The following RTTN variants were observed in gnomAD, a reference collection of about 807,000 sequenced individuals.
RTTN encodes rotatin.
A neutral mutation model predicts 269.2 loss-of-function variants in RTTN; 182 were observed. That is an observed-to-expected ratio of 0.68 (90% CI 0.60 to 0.76). The LOEUF is 0.76. Among genes scored for constraint, RTTN ranks in the 30% least tolerant of loss-of-function variants. RTTN has a pLI of 0.00. For synonymous variants in RTTN, 1,006 were observed against 963.5 expected (o/e 1.04, Z -0.82); for missense variants, 2,545 against 2,608.6 (o/e 0.98, Z 0.53).
intron 40 of RTTN, among the ~76,000 whole-genome samples, chr18:70,032,641 T>G (rs1309183298): frequency 1.3e-5 from 2 of 152,194 alleles, no homozygotes; most frequent in East Asian, 3.8e-4. Context: ...ATCCTAAATA[T>G]ATATGCACTA....
At position 70,132,499 on chromosome 18, in the gene RTTN, A is replaced by G. The variant is rs116851807; in HGVS notation, c.2954+1974T>C. 9.6e-3 allele frequency among the ~76,000 whole-genome samples: 1,457 copies of G among 152,076 alleles called. 15 individuals are homozygous for G. The highest frequency in any genetic ancestry group is 0.015 in the Non-Finnish European group (1,000 of 67,940). On this transcript the variant is annotated intron_variant, in intron 23 of 48. Transcript: ENST00000640769. The stretch of plus-strand genomic sequence containing the variant: ...ATATTAATAATAAAATAACTAGAAA[A>G]CCTAATAAACTAAATCTTCACTAGT...
chr18:70,114,687 G>C lies in RTTN; in HGVS notation c.3529-88C>G, dbSNP rs1199284523. On this transcript the variant is annotated intron_variant, in intron 26 of 48. Transcript: ENST00000640769. ...GGGTTTGGTTGCTAAGCAAGTTCTA[G>C]TAAGAGCTATATTACCTAACTAGTA... 3.4e-6 allele frequency: 4 copies of C among 1,193,598 alleles called. No homozygotes were observed. The Admixed American group carries it at 9.2e-5, about 28-fold the overall frequency. 73.9% of individuals were successfully genotyped at this position (1,193,598 alleles called of 1,614,324 possible).
chr18:70,075,391 A>G lies in RTTN; in HGVS notation c.4525T>C (p.Ser1509Pro), dbSNP rs767682584. 10 of 1,593,914 alleles carry G rather than the reference A, an allele frequency of 6.3e-6. No homozygotes were observed. The African/African-American group carries it at 8.2e-5, about 13-fold the overall frequency. The change falls in exon 33 of 49, where the codon TCT becomes CCT. Residue 1509 changes from serine (S) to proline (P), a missense_variant. Physicochemically the swap from Ser to Pro is moderately conservative, Grantham distance 74. Coordinates refer to ENST00000640769, the MANE Select transcript of RTTN (RefSeq NM_173630.4). Reference sequence around the variant, plus strand: ...CTTTCTGAATTTCTATCAAAAGCAGAAAAATTCAAATCAAACATACACCGT... The same window carrying G: ...CTTTCTGAATTTCTATCAAAAGCAGGAAAATTCAAATCAAACATACACCGT... ...LGRCMFDLNF[S>P]AFDRNSESND...
intron 7 of RTTN, among the ~76,000 whole-genome samples, chr18:70,195,849 TA>T (rs1183385346): frequency 1.3e-5 from 2 of 152,156 alleles, no homozygotes; most frequent in Non-Finnish European, 2.9e-5. Context: ...AAAACCAAGG[TA>T]AAGCATAAAT....
intron 21 of RTTN, among the ~76,000 whole-genome samples, chr18:70,135,549 T>G (rs941565365): frequency 3.9e-5 from 6 of 152,144 alleles, no homozygotes; most frequent in Non-Finnish European, 8.8e-5. Flanking sequence ...ATGCTGCCAG[T>G]CCAGGAGCCA....
At position 70,141,283 on chromosome 18, in the gene RTTN, ATAAATAT is replaced by A. The variant is rs543092097; in HGVS notation, c.2581+998_2581+1004del. 6.6e-5 allele frequency among the ~76,000 whole-genome samples: 10 copies of A among 152,318 alleles called. No homozygotes were observed. The South Asian group carries it at 1.2e-3, about 19-fold the overall frequency. ...CATAAACTCAAAGTTATCATTTCTC[ATAAATAT>A]TAAAGTACATACATCACGTATGGGG... On this transcript the variant is annotated intron_variant, in intron 19 of 48. Transcript: ENST00000640769.
At chr18:70,024,944 C>G (rs1392568165) in intron 43 of RTTN, 96 bp from the exon 44 acceptor site, 24 of 1,368,882 alleles carry the variant, frequency 1.8e-5, no homozygotes, top group Non-Finnish European at 2.4e-5. Context: ...ACATAAGACC[C>G]AAGGAGAACC....
At position 70,148,932 on chromosome 18, in the gene RTTN, T is replaced by C. The variant is rs755936163; in HGVS notation, c.2278A>G (p.Met760Val). ...MLPCTTRLKS[M>V]LRLLLVKKPS... is the part of the protein sequence containing the mutation. ...TTTTTCACTAGCAAAAGTCGCAGCATGGACTTTAATCGGGTAGTACACGGA... is the reference window on the plus strand; with the variant it reads ...TTTTTCACTAGCAAAAGTCGCAGCACGGACTTTAATCGGGTAGTACACGGA... Residue 760 changes from methionine to valine, a missense_variant, in exon 17 of 49, where the codon ATG (methionine) becomes GTG (valine). By Grantham distance (21) the Met-to-Val change is conservative (BLOSUM62 1). Transcript: ENST00000640769. The C allele has an allele frequency of 1.4e-5, 22 of 1,613,496 alleles. No individual in the cohort carries two copies. The highest frequency in any genetic ancestry group is 1.3e-5 in the African/African-American group (1 of 74,894).
chr18:70,086,307 A>G (rs2058696539), intron 32 of RTTN, among the ~76,000 whole-genome samples: 1 of 152,172 alleles, frequency 6.6e-6, no homozygotes, highest in Admixed American at 6.5e-5. Context: ...CTTAGAAAAT[A>G]AGGATAGTAA....
At chr18:70,121,059 T>C (rs1315455648) in intron 26 of RTTN, among the ~76,000 whole-genome samples, 2 of 144,200 alleles carry the variant, frequency 1.4e-5, no homozygotes, top group African/African-American at 5.1e-5. Flanking sequence ...TCAAAAAAAA[T>C]AAAAAAAAAA....
chr18:70,031,009 T>G (rs1237607490), intron 40 of RTTN, 28 bp from the exon 41 acceptor site: 1 of 1,502,120 alleles, frequency 6.7e-7, no homozygotes, highest in East Asian at 2.3e-5. Flanking sequence ...CAAACTGCCT[T>G]GAAGAAATAT....
intron 14 of RTTN, among the ~76,000 whole-genome samples, chr18:70,153,914 A>G (rs1344784587): frequency 1.3e-5 from 2 of 152,208 alleles, no homozygotes; most frequent in East Asian, 3.8e-4. Context: ...GTGACAAAAG[A>G]AAAATCACAA....
At chr18:70,068,531 CCT>C (rs1472872213) in intron 34 of RTTN, among the ~76,000 whole-genome samples, 4 of 152,192 alleles carry the variant, frequency 2.6e-5, no homozygotes, top group Non-Finnish European at 4.4e-5. Flanking sequence ...CCCTGATCCC[CCT>C]GTGTCCCCGC....
rs1350829 is a variant in RTTN, at chr18:70,147,138, T to A, written c.2310-1355A>T. On this transcript the variant is annotated intron_variant, in intron 17 of 48. Transcript: ENST00000640769. ...ATTTAGCATCTTTTTAGGTTTAGCA[T>A]AGGATGCCAGAATCCAGTTATTCCT... Among the ~76,000 whole-genome samples the A allele has an allele frequency of 3.3e-5, 5 of 152,226 alleles. No individual in the cohort carries two copies. In the East Asian group the frequency reaches 9.6e-4, roughly 29 times the overall value.
chr18:70,024,964 G>C, intron 43 of RTTN, 116 bp from the exon 44 acceptor site: 1 of 1,171,532 alleles, frequency 8.5e-7, no homozygotes. Flanking sequence ...CCTGTGGATG[G>C]CTTCAGCATC....
At chr18:70,048,221 A>C in intron 39 of RTTN, 33 bp from the exon 40 acceptor site, 2 of 1,567,366 alleles carry the variant, frequency 1.3e-6, no homozygotes, top group Non-Finnish European at 1.8e-6. Flanking sequence ...GAATGTTTGA[A>C]AATTTCTTCA....
At chr18:70,012,911 A>G (rs2056432434) in intron 46 of RTTN, among the ~76,000 whole-genome samples, 1 of 152,242 alleles carries the variant, frequency 6.6e-6, no homozygotes, top group Non-Finnish European at 1.5e-5. Flanking sequence ...TTTTGTCTAC[A>G]TAATTCAATT....
At chr18:70,007,480 T>C (rs749418758) in intron 46 of RTTN, 3 of 152,282 alleles carry the variant, frequency 2.0e-5, no homozygotes, top group Non-Finnish European at 4.4e-5. Context: ...CCCATACCCA[T>C]GGAGCCCAGC....
intron 34 of RTTN, among the ~76,000 whole-genome samples, chr18:70,068,722 G>A (rs2058214750): frequency 6.6e-6 from 1 of 152,196 alleles, no homozygotes; most frequent in Admixed American, 6.5e-5. Context: ...AACAGCGAGA[G>A]TCTAATTCTT....
Sources: allele counts gnomAD v4.1 joint callset (sites outside exome capture counted in the v4.1 genomes callset), GRCh38; gene constraint gnomAD v4.1.1; transcripts MANE v1.5; gene names NCBI Gene and HGNC (gene_info 2026-07-23, HGNC 2026-07-21).